The following STIM2 variants were observed in gnomAD, a reference collection of about 807,000 sequenced individuals.
The protein encoded by STIM2 is stromal interaction molecule 2.
In STIM2, 31 loss-of-function variants were observed where a neutral mutation model predicts 85.8. The observed-to-expected ratio is 0.36, with a 90% CI of 0.27 to 0.49. The LOEUF is 0.49. Ranked by LOEUF, STIM2 falls within the 20% of genes least tolerant of loss-of-function variation. The pLI is 0.98. For missense variants in STIM2, 841 were observed against 927.6 expected (o/e 0.91, Z 1.21); for synonymous variants, 356 against 331.1 (o/e 1.08, Z -0.82).
At chr4:26,923,541 AG>A (rs1449878393) in intron 2 of STIM2, among the ~76,000 whole-genome samples, 1 of 143,396 alleles carries the variant, frequency 7.0e-6, no homozygotes, top group Admixed American at 7.1e-5. Context: ...AAACATGGAA[AG>A]GAACAACCGG....
intron 1 of STIM2, among the ~76,000 whole-genome samples, chr4:26,884,312 T>C (rs1376625822): frequency 1.3e-5 from 2 of 152,108 alleles, no homozygotes; most frequent in African/African-American, 4.8e-5. Context: ...CTTAATAGGG[T>C]TGTTGTGAGC....
chr4:26,897,551 C>T (rs193079214), intron 1 of STIM2, among the ~76,000 whole-genome samples: 34 of 152,154 alleles, frequency 2.2e-4, no homozygotes, highest in African/African-American at 8.2e-4. Flanking sequence ...AGAGTTATGA[C>T]GTTTTTGCTC....
At chr4:27,021,288 T>C (rs189955477) in intron 11 of STIM2, 2 of 481,608 alleles carry the variant, frequency 4.2e-6, no homozygotes, top group Admixed American at 3.3e-5. Context: ...TAAAATATCA[T>C]TTTAGGTTTT....
At chr4:26,894,625 T>G (rs1263467419) in intron 1 of STIM2, among the ~76,000 whole-genome samples, 1 of 152,058 alleles carries the variant, frequency 6.6e-6, no homozygotes, top group African/African-American at 2.4e-5. Flanking sequence ...TGTGTGTGAG[T>G]CTGTTCTGGG....
chr4:26,950,387 C>G (rs1386145252), intron 2 of STIM2, among the ~76,000 whole-genome samples: 1 of 152,136 alleles, frequency 6.6e-6, no homozygotes, highest in Non-Finnish European at 1.5e-5. Context: ...TCTCTTGAAC[C>G]ATAAATTCAG....
intron 2 of STIM2, among the ~76,000 whole-genome samples, chr4:26,935,363 A>G (rs1035349706): frequency 2.0e-5 from 3 of 152,192 alleles, no homozygotes; most frequent in African/African-American, 7.2e-5. Context: ...ATTCAAAATG[A>G]GATAGGCACT....
At chr4:26,901,193 T>C (rs764388136) in intron 1 of STIM2, among the ~76,000 whole-genome samples, 1 of 152,228 alleles carries the variant, frequency 6.6e-6, no homozygotes, top group Non-Finnish European at 1.5e-5. Context: ...AAATATGTTT[T>C]GCACATTTTC....
chr4:26,864,196 G>A (rs1003399649), intron 1 of STIM2, among the ~76,000 whole-genome samples: 1 of 151,824 alleles, frequency 6.6e-6, no homozygotes, highest in Non-Finnish European at 1.5e-5. Flanking sequence ...AATGTTTTTG[G>A]TGAGACAGAA....
chr4:27,008,327 C>A, intron 8 of STIM2, 101 bp from the exon 9 acceptor site: 2 of 610,074 alleles, frequency 3.3e-6, no homozygotes, highest in South Asian at 3.2e-5. Flanking sequence ...TTTATGATTG[C>A]TAATATATTC....
intron 2 of STIM2, among the ~76,000 whole-genome samples, chr4:26,949,054 T>G (rs1337049670): frequency 6.6e-6 from 1 of 152,222 alleles, no homozygotes; most frequent in Non-Finnish European, 1.5e-5. Flanking sequence ...TTCTTCAGTC[T>G]TAATCTTCCA....
rs892001510 is a variant in STIM2, at chr4:27,007,829, C to G, written c.1149+129C>G. Reference sequence around the variant, plus strand: ...TACAGATTCTTTTTTCAAACTGGAACTTATTGTGTAAATAGACTCTAGTAA... The same window carrying G: ...TACAGATTCTTTTTTCAAACTGGAAGTTATTGTGTAAATAGACTCTAGTAA... On this transcript the variant is annotated intron_variant, in intron 8 of 11. Transcript: ENST00000467087. 1.4e-5 allele frequency: 14 copies of G among 1,015,838 alleles called. 1 individual carries two copies. Among genetic ancestry groups the G allele is most frequent in the South Asian group, 1.1e-4 (6 of 53,932 alleles). The allele number at this position is 1,015,838 out of a possible 1,614,324, so 62.9% of individuals were successfully genotyped here. A position where few individuals can be genotyped will look rare whatever the true frequency, so the allele number is the denominator to read the frequency against.
chr4:27,017,790 G>A lies in STIM2; in HGVS notation c.1569G>A (p.Ser523=), dbSNP rs779663618. The A allele has an allele frequency of 2.5e-6, 4 of 1,613,876 alleles. No individual in the cohort carries two copies. The African/African-American group carries it at 4.0e-5, about 16-fold the overall frequency. The stretch of plus-strand genomic sequence containing the variant: ...CACGCCGCAGCATTGTGCCGTCCTC[G>A]CCTCAGCCTCAGCGAGCTCAGCTTG... Residue 523 remains serine, a synonymous_variant, in exon 11 of 12, where the codon TCG becomes TCA. Coordinates refer to ENST00000467087, the MANE Select transcript of STIM2 (RefSeq NM_020860.4).
chr4:26,873,928 C>T lies in STIM2; in HGVS notation c.151+12559C>T, dbSNP rs957520971. 8.1e-6 allele frequency: 11 copies of T among 1,353,414 alleles called. No individual in the cohort carries two copies. The African/African-American group carries it at 1.6e-4, about 19-fold the overall frequency. 83.8% of individuals were successfully genotyped at this position (1,353,414 alleles called of 1,614,324 possible). A position where few individuals can be genotyped will look rare whatever the true frequency, so the allele number is the denominator to read the frequency against. On this transcript the variant is annotated intron_variant, in intron 1 of 11. Transcript: ENST00000467087. ...CTGAGTGGACAGGGGCGCCTCCAGA[C>T]AGCTGGGTGCTCTTCTGGCTCAGGC... is the stretch of plus-strand genomic sequence containing the variant.
intron 2 of STIM2, among the ~76,000 whole-genome samples, chr4:26,929,342 C>T (rs867093387): frequency 1.3e-5 from 2 of 151,972 alleles, no homozygotes; most frequent in African/African-American, 2.4e-5. Flanking sequence ...GTACTATAGT[C>T]CTTCAGTTCA....
chr4:26,911,716 T>G (rs1724347817), intron 1 of STIM2, among the ~76,000 whole-genome samples: 2 of 152,222 alleles, frequency 1.3e-5, no homozygotes, highest in Admixed American at 1.3e-4. Flanking sequence ...TGTTCTAGCA[T>G]GTAATATATG....
At chr4:26,864,475 T>G (rs1722322664) in intron 1 of STIM2, among the ~76,000 whole-genome samples, 1 of 152,032 alleles carries the variant, frequency 6.6e-6, no homozygotes. Flanking sequence ...AGAAATAGCT[T>G]ATGAAAGGGA....
chr4:26,909,826 C>T (rs1326151361), intron 1 of STIM2, among the ~76,000 whole-genome samples: 1 of 152,220 alleles, frequency 6.6e-6, no homozygotes, highest in East Asian at 1.9e-4. Context: ...AAGCAAAGCT[C>T]TTCCGCTGCT....
Position 27,021,857 on chromosome 4 carries a change from G to A in STIM2, c.1764-662G>A, listed in dbSNP as rs186240378. 3.9e-4 allele frequency among the ~76,000 whole-genome samples: 60 copies of A among 152,194 alleles called. 1 individual carries two copies. The highest frequency in any genetic ancestry group is 7.5e-4 in the Non-Finnish European group (51 of 68,008). ...GCATTTACTATATGTTGGTTTTGGGGTTACAAAATTTATTTTTCCACTGTG... is the reference window on the plus strand; with the variant it reads ...GCATTTACTATATGTTGGTTTTGGGATTACAAAATTTATTTTTCCACTGTG... On this transcript the variant is annotated intron_variant, in intron 11 of 11. Transcript: ENST00000467087.
chr4:26,882,900 C>T (rs1332974022), intron 1 of STIM2, among the ~76,000 whole-genome samples: 5 of 151,094 alleles, frequency 3.3e-5, no homozygotes, highest in African/African-American at 7.3e-5. Context: ...TGCAGTGGCG[C>T]GATCTCAGCT....
Sources: allele counts gnomAD v4.1 joint callset (sites outside exome capture counted in the v4.1 genomes callset), GRCh38; gene constraint gnomAD v4.1.1; transcripts MANE v1.5; gene names NCBI Gene and HGNC (gene_info 2026-07-23, HGNC 2026-07-21).